The following GPAM variants were observed in gnomAD, a reference collection of about 807,000 sequenced individuals.
The protein encoded by GPAM is glycerol-3-phosphate acyltransferase, mitochondrial.
Under a neutral mutation model 105.0 loss-of-function variants are expected in GPAM, and 56 were observed. That is an observed-to-expected ratio of 0.53 (90% CI 0.43 to 0.67). GPAM has a LOEUF of 0.67. Among genes scored for constraint, GPAM ranks in the 30% least tolerant of loss-of-function variants. GPAM has a pLI of 0.00. For synonymous variants in GPAM, 368 were observed against 354.4 expected (o/e 1.04, Z -0.43); for missense variants, 855 against 989.8 (o/e 0.86, Z 1.83).
At chr10:112,181,633 G>A (rs1257639749) in intron 3 of GPAM, 50 bp downstream of exon 3, 1 of 992,218 alleles carries the variant, frequency 1.0e-6, no homozygotes, top group African/African-American at 1.6e-5. Flanking sequence ...AAACATCATT[G>A]AAATGAACAT....
Position 112,150,771 on chromosome 10 carries a change from T to C in GPAM, c.*2779A>G. 1.0e-6 allele frequency: 1 copy of C among 985,406 alleles called. No individual in the cohort carries two copies. The highest frequency in any genetic ancestry group is 1.7e-5 in the African/African-American group (1 of 57,382). 61.0% of individuals were successfully genotyped at this position (985,406 alleles called of 1,614,324 possible). ...CTTGGTTTCCCAGCAACACCATTTCTATAAAACACTGATGAACATCTCACA... is the reference window on the plus strand; with the variant it reads ...CTTGGTTTCCCAGCAACACCATTTCCATAAAACACTGATGAACATCTCACA... On this transcript the variant is annotated 3_prime_UTR_variant, in exon 22 of 22. Coordinates refer to ENST00000348367, the MANE Select transcript of GPAM (RefSeq NM_001244949.2).
chr10:112,208,829 G>A (rs968491538), intron 1 of GPAM, among the ~76,000 whole-genome samples: 3 of 152,160 alleles, frequency 2.0e-5, no homozygotes, highest in Admixed American at 2.0e-4. Context: ...CAACAAGCAG[G>A]AAGGATAGAC....
intron 1 of GPAM, among the ~76,000 whole-genome samples, chr10:112,202,950 T>C (rs1847814991): frequency 6.6e-6 from 1 of 152,178 alleles, no homozygotes; most frequent in Admixed American, 6.5e-5. Context: ...CAACTCGCCA[T>C]CCCTTGGGTC....
intron 6 of GPAM, among the ~76,000 whole-genome samples, chr10:112,174,365 AT>A (rs1270959506): frequency 6.6e-6 from 1 of 152,220 alleles, no homozygotes; most frequent in Non-Finnish European, 1.5e-5. Flanking sequence ...CAAACCAGTA[AT>A]TTTTAAAAGG....
the GPAM span, among the ~76,000 whole-genome samples, chr10:112,226,600 G>T: frequency 2.6e-5 from 4 of 152,168 alleles, no homozygotes; most frequent in African/African-American, 9.7e-5. Context: ...TAGTATGGAA[G>T]CTGCAAAGAC....
rs573290162 is a variant in GPAM at position 112,153,323 on chromosome 10, G to C, written c.*227C>G. ...TTGTAGTCTACGGATTATGAGTTGC[G>C]AATAGAGGCTGAGGTCCCCCCAAGT... On this transcript the variant is annotated 3_prime_UTR_variant, in exon 22 of 22. Transcript: ENST00000348367. 1 of 1,412,222 alleles carries C rather than the reference G, an allele frequency of 7.1e-7. No homozygotes were observed. Among genetic ancestry groups the C allele is most frequent in the East Asian group, 2.7e-5 (1 of 37,572 alleles). 87.5% of individuals were successfully genotyped at this position (1,412,222 alleles called of 1,614,324 possible).
At chr10:112,223,019 G>A in the GPAM span, among the ~76,000 whole-genome samples, 9 of 152,218 alleles carry the variant, frequency 5.9e-5, no homozygotes, top group Non-Finnish European at 1.2e-4. Flanking sequence ...CTCCTGGTCA[G>A]CAGCTGAATA....
intron 1 of GPAM, among the ~76,000 whole-genome samples, chr10:112,198,108 A>T (rs1847747389): frequency 6.6e-6 from 1 of 152,180 alleles, no homozygotes; most frequent in Admixed American, 6.5e-5. Flanking sequence ...AATAGTACCT[A>T]CTTTATAGTA....
chr10:112,210,672 T>G (rs1847901134), intron 1 of GPAM, among the ~76,000 whole-genome samples: 2 of 152,246 alleles, frequency 1.3e-5, no homozygotes, highest in Admixed American at 1.3e-4. Flanking sequence ...CTCCATTCTT[T>G]CAGGGGCCTG....
intron 11 of GPAM, among the ~76,000 whole-genome samples, chr10:112,167,851 T>A (rs1302109474): frequency 6.6e-6 from 1 of 152,192 alleles, no homozygotes; most frequent in Non-Finnish European, 1.5e-5. Context: ...ACTATTATAC[T>A]TCAATAAAAA....
At chr10:112,187,559 T>G (rs1192629974), upstream of GPAM, among the ~76,000 whole-genome samples, 2 of 152,074 alleles carry the variant, frequency 1.3e-5, no homozygotes. Context: ...AACATATAAA[T>G]CAAAAACTAA....
Position 112,170,798 on chromosome 10 carries a change from GCAAGGA to G in GPAM, c.794+1378_794+1383del, listed in dbSNP as rs1163645241. 1.5e-3 allele frequency among the ~76,000 whole-genome samples: 231 copies of G among 152,298 alleles called. 1 individual carries two copies. Among genetic ancestry groups the G allele is most frequent in the African/African-American group, 5.0e-3 (208 of 41,564 alleles). ...ACATTATCCATTAAGCTATGTGAAG[GCAAGGA>G]CTATATATTTTGTTCTCTCTTGTCT... On this transcript the variant is annotated intron_variant, in intron 9 of 21. Transcript: ENST00000348367.
chr10:112,154,636 T>A lies in GPAM; in HGVS notation c.2363A>T (p.Asp788Val). The A allele has an allele frequency of 6.2e-7, 1 of 1,601,202 alleles. No homozygotes were observed. Among genetic ancestry groups the A allele is most frequent in the Non-Finnish European group, 8.6e-7 (1 of 1,168,328 alleles). ...LVKNAVKMFK[D>V]IGVFKETKQK... is the part of the protein sequence containing the mutation. ...TAAATGGTGGACACCTACCCCAATA[T>A]CCTTAAACATTTTCACAGCATTCTT... The change falls in exon 21 of 22, where the codon GAT (aspartate) becomes GTT (valine). Residue 788 changes from aspartate to valine, a missense_variant. Coordinates refer to ENST00000348367, the MANE Select transcript of GPAM (RefSeq NM_001244949.2).
At chr10:112,175,214 AG>A (rs1847382003) in intron 6 of GPAM, among the ~76,000 whole-genome samples, 5 of 152,222 alleles carry the variant, frequency 3.3e-5, no homozygotes, top group African/African-American at 1.2e-4. Flanking sequence ...CTAGATACTC[AG>A]TAACTGGCAA....
Position 112,178,854 on chromosome 10 carries a change from T to G in GPAM, c.226-797A>C, listed in dbSNP as rs183522357. 3.6e-4 allele frequency among the ~76,000 whole-genome samples: 55 copies of G among 152,268 alleles called. No homozygotes were observed. The East Asian group carries it at 7.5e-3, about 21-fold the overall frequency. On this transcript the variant is annotated intron_variant, in intron 4 of 21. Transcript: ENST00000348367. ...TGTCTTGATCTAAAGAGTATGGTCT[T>G]TCTATTACCCCTAAATAACTGTCCA...
intron 13 of GPAM, 62 bp downstream of exon 13, chr10:112,164,463 A>C: frequency 1.2e-6 from 1 of 867,998 alleles, no homozygotes; most frequent in Non-Finnish European, 2.0e-6. Context: ...TAATCTATGC[A>C]ATACAAGAAA....
In GPAM at chr10:112,208,194, G is replaced by A. The variant is rs138931570; in HGVS notation, n.210+6974C>T. Among the ~76,000 whole-genome samples the A allele has an allele frequency of 1.2e-3, 188 of 152,144 alleles. 2 individuals carry two copies. The highest frequency in any genetic ancestry group is 2.2e-3 in the Non-Finnish European group (148 of 68,002). ...CGTGGATAGAGAACCCCCAAGATTC[G>A]GCTACCATAAATCAACGTACTGGCA... is the stretch of plus-strand genomic sequence containing the variant. On this transcript the variant is annotated intron_variant and non_coding_transcript_variant, in intron 1 of 3. Coordinates refer to the GPAM transcript ENST00000480130.
At chr10:112,186,980 G>C (rs923247915), upstream of GPAM, among the ~76,000 whole-genome samples, 1 of 152,152 alleles carries the variant, frequency 6.6e-6, no homozygotes, top group Non-Finnish European at 1.5e-5. Context: ...GTATTCTGTT[G>C]TAAGATTCTT....
Position 112,180,613 on chromosome 10 carries a change from A to C in GPAM, c.103-18T>G, listed in dbSNP as rs1277778277. On this transcript the variant is annotated intron_variant, in intron 3 of 21. Transcript: ENST00000348367. The stretch of plus-strand genomic sequence containing the variant: ...CACTCACCCTGACAAATATTAAGAA[A>C]AAAATATAGTTTCTAAATGGCAAGA... 6.2e-7 allele frequency: 1 copy of C among 1,600,694 alleles called. No homozygotes were observed. The highest frequency in any genetic ancestry group is 1.3e-5 in the African/African-American group (1 of 74,602).
Sources: gnomAD v4.1 joint callset for allele counts (sites outside exome capture counted in the v4.1 genomes callset) on GRCh38, gnomAD v4.1.1 for gene constraint, MANE v1.5 for transcripts, NCBI Gene and HGNC (gene_info 2026-07-23, HGNC 2026-07-21) for gene names.